The following NF1 variants were observed in gnomAD, a reference collection of about 807,000 sequenced individuals.
NF1 encodes neurofibromin.
NF1 carries 122 observed loss-of-function variants against 325.7 expected under a neutral mutation model. The observed-to-expected ratio is 0.37, with a 90% CI of 0.32 to 0.44. The LOEUF is 0.44. NF1 is among the 20% of genes least tolerant of loss of function. NF1 has a pLI of 1.00. For synonymous variants in NF1, 1,091 were observed against 1,186.0 expected (o/e 0.92, Z 1.65); for missense variants, 2,140 against 3,415.4 (o/e 0.63, Z 9.31).
chr17:31,172,365 C>G (rs1211981734), intron 5 of NF1, among the ~76,000 whole-genome samples: 1 of 150,550 alleles, frequency 6.6e-6, no homozygotes, highest in Non-Finnish European at 1.5e-5. Flanking sequence ...CTCTCTCTCT[C>G]TCTCTCTTTC....
intron 12 of NF1, among the ~76,000 whole-genome samples, chr17:31,209,339 G>A (rs1440618271): frequency 6.6e-6 from 1 of 152,218 alleles, no homozygotes; most frequent in African/African-American, 2.4e-5. Context: ...TTGCAAAACA[G>A]TAAAAGTAAA....
intron 1 of NF1, among the ~76,000 whole-genome samples, chr17:31,114,351 G>T (rs1173181908): frequency 6.6e-6 from 1 of 151,810 alleles, no homozygotes; most frequent in Non-Finnish European, 1.5e-5. Flanking sequence ...ATCCTGGCTA[G>T]CACAGTGAAA....
At chr17:31,101,347 T>C (rs1418960461) in intron 1 of NF1, among the ~76,000 whole-genome samples, 2 of 152,148 alleles carry the variant, frequency 1.3e-5, no homozygotes, top group Non-Finnish European at 2.9e-5. Flanking sequence ...TTCAGTGCCT[T>C]TGTCCCTATC....
chr17:31,329,076 G>C (rs986640455), intron 38 of NF1, among the ~76,000 whole-genome samples: 10 of 152,130 alleles, frequency 6.6e-5, no homozygotes, highest in African/African-American at 2.4e-4. Flanking sequence ...CGGGAGGACA[G>C]CTTGAGCTCA....
At chr17:31,150,364 A>G (rs770215583) in intron 1 of NF1, among the ~76,000 whole-genome samples, 38 of 152,178 alleles carry the variant, frequency 2.5e-4, no homozygotes, top group Non-Finnish European at 4.0e-4. Flanking sequence ...TTCCCAGCTT[A>G]ACAGTTAACA....
chr17:31,121,416 T>TTTTTTTTTTTTTG (rs1914423515), intron 1 of NF1, among the ~76,000 whole-genome samples: 1 of 108,232 alleles, frequency 9.2e-6, no homozygotes, highest in African/African-American at 2.8e-5. Flanking sequence ...TTTTTTTTTT[T>TTTTTTTTTTTTTG]TTGAGATGGA....
intron 57 of NF1, among the ~76,000 whole-genome samples, chr17:31,373,628 T>C (rs897539803): frequency 6.6e-6 from 1 of 152,238 alleles, no homozygotes; most frequent in Non-Finnish European, 1.5e-5. Context: ...TATAGTCATG[T>C]GCTGCATAAC....
At chr17:31,351,930 C>A (rs1318543312) in intron 50 of NF1, among the ~76,000 whole-genome samples, 5 of 149,728 alleles carry the variant, frequency 3.3e-5, no homozygotes. Flanking sequence ...CCAGTATATT[C>A]TTCTAATTCC....
chr17:31,364,993 A>T (rs559030776), intron 57 of NF1, among the ~76,000 whole-genome samples: 1 of 152,292 alleles, frequency 6.6e-6, no homozygotes, highest in Admixed American at 6.5e-5. Flanking sequence ...AAGAACCAGA[A>T]TTAGAACTAG....
chr17:31,287,598 C>A (rs1597783343), intron 36 of NF1, among the ~76,000 whole-genome samples: 2 of 149,350 alleles, frequency 1.3e-5, no homozygotes, highest in African/African-American at 5.1e-5. Context: ...GTGGCTTTGT[C>A]ACCCAGGCTA....
At chr17:31,173,563 A>G (rs2065968495) in intron 5 of NF1, among the ~76,000 whole-genome samples, 1 of 151,116 alleles carries the variant, frequency 6.6e-6, no homozygotes, top group Admixed American at 6.6e-5. Context: ...ACGCCATTGC[A>G]CTCCAGCTTG....
At chr17:31,100,520 T>C (rs1912224144) in intron 1 of NF1, among the ~76,000 whole-genome samples, 1 of 152,158 alleles carries the variant, frequency 6.6e-6, no homozygotes, top group South Asian at 2.1e-4. Flanking sequence ...ATAATGCTTA[T>C]TCTTTGCTTC....
chr17:31,227,342 G>T (rs2151427155), intron 19 of NF1, 51 bp downstream of exon 19: 1 of 1,582,270 alleles, frequency 6.3e-7, no homozygotes, highest in Non-Finnish European at 8.7e-7. Flanking sequence ...CCCTCAATTT[G>T]GAAGCCTCTT....
chr17:31,278,695 A>G (rs1032480509), intron 36 of NF1, among the ~76,000 whole-genome samples: 1 of 150,704 alleles, frequency 6.6e-6, no homozygotes, highest in Non-Finnish European at 1.5e-5. Context: ...GCTCACTGCA[A>G]CCTACACCTC....
chr17:31,305,680 T>G (rs772172313), intron 36 of NF1: 1 of 1,497,524 alleles, frequency 6.7e-7, no homozygotes, highest in Admixed American at 2.3e-5. Flanking sequence ...GTCATTGGTG[T>G]CTAGTTAAAA....
intron 5 of NF1, among the ~76,000 whole-genome samples, chr17:31,172,472 T>C (rs1371739541): frequency 6.6e-6 from 1 of 152,208 alleles, no homozygotes; most frequent in Non-Finnish European, 1.5e-5. Flanking sequence ...TTGATAGATA[T>C]ATCGAGAGAG....
chr17:31,211,241 A>G (rs2066723503), intron 12 of NF1, among the ~76,000 whole-genome samples: 1 of 152,254 alleles, frequency 6.6e-6, no homozygotes, highest in African/African-American at 2.4e-5. Flanking sequence ...TAGAAGATCA[A>G]CTAATGAATG....
intron 36 of NF1, among the ~76,000 whole-genome samples, chr17:31,275,406 C>T (rs1273204045): frequency 2.6e-5 from 4 of 152,122 alleles, no homozygotes; most frequent in African/African-American, 7.2e-5. Context: ...ACAAGAAGGG[C>T]GAGTATAGTA....
intron 57 of NF1, among the ~76,000 whole-genome samples, chr17:31,366,539 C>T (rs2070524832): frequency 6.6e-6 from 1 of 152,178 alleles, no homozygotes; most frequent in Admixed American, 6.5e-5. Flanking sequence ...TAAACCATTG[C>T]TCTAAACTTA....
Sources: allele counts gnomAD v4.1 joint callset (sites outside exome capture counted in the v4.1 genomes callset), GRCh38; gene constraint gnomAD v4.1.1; transcripts MANE v1.5; gene names NCBI Gene and HGNC (gene_info 2026-07-23, HGNC 2026-07-21).